GLB1: variants seen among roughly 807,000 people sequenced by gnomAD.
The protein encoded by GLB1 is galactosidase beta 1, also known as beta-galactosidase.
GLB1 carries 56 observed loss-of-function variants against 74.0 expected under a neutral mutation model. That is an observed-to-expected ratio of 0.76 (90% CI 0.61 to 0.94). The LOEUF is 0.94. Among genes scored for constraint, GLB1 ranks in the 40% least tolerant of loss-of-function variants. The pLI is 0.00. For synonymous variants in GLB1, 323 were observed against 323.6 expected (o/e 1.00, Z 0.02); for missense variants, 787 against 845.5 (o/e 0.93, Z 0.86).
In GLB1 at chr3:33,023,178, A is replaced by C. The variant is rs1285539873; in HGVS notation, c.1143+1073T>G. ...GTAATAAGCTAGCTTGGTTTTAGCA[A>C]TGTTGTTGTTTTGAACATTTGGAGC... is the stretch of plus-strand genomic sequence containing the variant. On this transcript the variant is annotated intron_variant, in intron 11 of 15. Coordinates refer to ENST00000307363, the MANE Select transcript of GLB1 (RefSeq NM_000404.4). 2.0e-5 allele frequency among the ~76,000 whole-genome samples: 3 copies of C among 152,226 alleles called. No individual in the cohort carries two copies. In the East Asian group the frequency reaches 5.8e-4, roughly 29 times the overall value.
intron 5 of GLB1, among the ~76,000 whole-genome samples, chr3:33,060,569 C>A (rs1699399406): frequency 1.3e-5 from 2 of 152,190 alleles, no homozygotes. Context: ...TTCTCTTGAG[C>A]TCACCCCCAT....
At chr3:33,000,495 G>A (rs560930718) in intron 15 of GLB1, among the ~76,000 whole-genome samples, 105 of 152,336 alleles carry the variant, frequency 6.9e-4, no homozygotes, top group Non-Finnish European at 1.2e-3. Context: ...GGGAAGCCAA[G>A]GCGGGCAAAT....
chr3:33,070,521 C>G (rs1699852284), intron 2 of GLB1, among the ~76,000 whole-genome samples: 1 of 152,114 alleles, frequency 6.6e-6, no homozygotes, highest in South Asian at 2.1e-4. Flanking sequence ...CAGAAAACTC[C>G]AGAGTTATAT....
rs557847563 is a variant in GLB1 at position 33,069,885 on chromosome 3, G to T, written c.246-915C>A. ...TATACAGGTAAATTGCGTGTCATGGGGGTTTGGTGTACAGATTATTTAGTC... is the reference window on the plus strand; with the variant it reads ...TATACAGGTAAATTGCGTGTCATGGTGGTTTGGTGTACAGATTATTTAGTC... On this transcript the variant is annotated intron_variant, in intron 2 of 15. Coordinates refer to ENST00000307363, the MANE Select transcript of GLB1 (RefSeq NM_000404.4). 1.8e-3 allele frequency among the ~76,000 whole-genome samples: 271 copies of T among 152,194 alleles called. 1 individual carries two copies. Among genetic ancestry groups the T allele is most frequent in the Non-Finnish European group, 3.2e-3 (220 of 68,018 alleles).
chr3:33,051,233 CAAA>C (rs35399363), intron 9 of GLB1, among the ~76,000 whole-genome samples: 3,506 of 75,718 alleles, frequency 0.046, 46 homozygotes, highest in African/African-American at 0.13. Context: ...GACTGCGTCT[CAAA>C]AAAAAAAAAA....
intron 10 of GLB1, among the ~76,000 whole-genome samples, chr3:33,032,563 C>T (rs545841922): frequency 4.0e-5 from 6 of 148,596 alleles, no homozygotes; most frequent in Middle Eastern, 3.4e-3. Context: ...AATTTTACCT[C>T]CTGAACACTT....
chr3:33,013,178 C>T (rs1045724362), intron 15 of GLB1, among the ~76,000 whole-genome samples: 22 of 152,332 alleles, frequency 1.4e-4, no homozygotes, highest in African/African-American at 5.3e-4. Context: ...TGCTTTCTTC[C>T]CTTCTTGCCA....
chr3:33,052,824 G>T (rs1294774662), intron 7 of GLB1: 2 of 154,792 alleles, frequency 1.3e-5, no homozygotes, highest in Non-Finnish European at 2.9e-5. Context: ...GGACCTTCTT[G>T]TGGGGACTTC....
rs1700841142 is a variant in GLB1 at position 33,093,137 on chromosome 3, C to T, written c.75+3874G>A. ...GGTCTGGGCTGCAGCCCTCCAGGGC[C>T]TTGTCAAGATCCATGCCATGGCCAG... On this transcript the variant is annotated intron_variant, in intron 1 of 15. Coordinates refer to ENST00000307363, the MANE Select transcript of GLB1 (RefSeq NM_000404.4). This position sits in a 1 kb window ranked among gnomAD's most constrained non-coding sequence, Gnocchi z 6.0. 1 of 1,614,078 alleles carries T rather than the reference C, an allele frequency of 6.2e-7. No individual in the cohort carries two copies. Among genetic ancestry groups the T allele is most frequent in the African/African-American group, 1.3e-5 (1 of 74,926 alleles).
intron 10 of GLB1, among the ~76,000 whole-genome samples, chr3:33,033,566 T>C (rs1376477698): frequency 6.6e-6 from 1 of 152,090 alleles, no homozygotes; most frequent in East Asian, 1.9e-4. Context: ...GTGGATCACT[T>C]GAGGTCAAGA....
chr3:32,984,806 G>A, the GLB1 span, among the ~76,000 whole-genome samples: 1 of 152,164 alleles, frequency 6.6e-6, no homozygotes, highest in South Asian at 2.1e-4. Context: ...GCTGGGTGTG[G>A]TGGCACGTGC....
At chr3:33,094,294 T>G in intron 1 of GLB1, 1 of 1,503,462 alleles carries the variant, frequency 6.7e-7, no homozygotes, top group Non-Finnish European at 8.9e-7. Context: ...GGTTTCCAGG[T>G]CAACTCCGCC....
intron 15 of GLB1, among the ~76,000 whole-genome samples, chr3:32,999,063 A>G (rs933043888): frequency 1.6e-4 from 25 of 152,184 alleles, no homozygotes; most frequent in Non-Finnish European, 2.9e-5. Flanking sequence ...CACTCCTTAC[A>G]TGATTAAAGT....
chr3:32,970,277 C>T, the GLB1 span, among the ~76,000 whole-genome samples: 1 of 152,136 alleles, frequency 6.6e-6, no homozygotes, highest in African/African-American at 2.4e-5. Context: ...TGTCAAGAAA[C>T]TCACGGTGGA....
At chr3:33,077,122 C>T (rs1340199246) in intron 1 of GLB1, 1 of 1,423,368 alleles carries the variant, frequency 7.0e-7, no homozygotes, top group Non-Finnish European at 9.3e-7. Context: ...TCTTCTCCCA[C>T]TCCTGTTGCT....
rs951875806 is a variant in GLB1 at position 33,093,862 on chromosome 3, A to G, written c.75+3149T>C. On this transcript the variant is annotated intron_variant, in intron 1 of 15. Transcript: ENST00000307363. This position sits in a 1 kb window ranked among gnomAD's most constrained non-coding sequence, Gnocchi z 6.0. ...GAGTAGGCCGCCAAGGAAAAGAGATAGGGCTCTTCGGCCACTAAAAAGAAC... is the reference window on the plus strand; with the variant it reads ...GAGTAGGCCGCCAAGGAAAAGAGATGGGGCTCTTCGGCCACTAAAAAGAAC... The G allele has an allele frequency of 3.7e-6, 6 of 1,613,642 alleles. No individual in the cohort carries two copies. Among genetic ancestry groups the G allele is most frequent in the Non-Finnish European group, 5.1e-6 (6 of 1,179,862 alleles).
At chr3:32,990,585 A>G in the GLB1 span, among the ~76,000 whole-genome samples, 1 of 152,226 alleles carries the variant, frequency 6.6e-6, no homozygotes, top group East Asian at 1.9e-4. Flanking sequence ...AACCTTGGGG[A>G]CTCCTCACTG....
At chr3:33,056,227 CAAAAAAAAAAAAAAAAAA>C (rs10559091) in intron 6 of GLB1, among the ~76,000 whole-genome samples, 3 of 48,594 alleles carry the variant, frequency 6.2e-5, no homozygotes, top group African/African-American at 2.3e-4. Flanking sequence ...AACTCCACCT[CAAAAAAAAAAAAAAAAAA>C]AAAAAAAAAA....
intron 10 of GLB1, 24 bp from the exon 11 acceptor site, chr3:33,024,349 G>C (rs769844335): frequency 1.2e-6 from 2 of 1,601,900 alleles, no homozygotes. Context: ...TAGAAAAAGA[G>C]AGAAAAGAAA....
Sources: allele counts gnomAD v4.1 joint callset (sites outside exome capture counted in the v4.1 genomes callset), GRCh38; gene constraint gnomAD v4.1.1; non-coding constraint Gnocchi (gnomAD v3.1); transcripts MANE v1.5; gene names NCBI Gene and HGNC (gene_info 2026-07-23, HGNC 2026-07-21).